DGKD: variants seen among roughly 807,000 people sequenced by gnomAD.
The protein encoded by DGKD is diacylglycerol kinase delta.
In DGKD, 68 loss-of-function variants were observed where a neutral mutation model predicts 154.4. That is an observed-to-expected ratio of 0.44 (90% CI 0.36 to 0.54). The LOEUF is 0.54. Ranked by LOEUF, DGKD falls within the 20% of genes least tolerant of loss-of-function variation. DGKD has a pLI of 0.00. For synonymous variants in DGKD, 693 were observed against 638.0 expected, an observed-to-expected ratio of 1.09 and a Z score of -1.30; for missense variants, 1,343 against 1,593.6, an observed-to-expected ratio of 0.84 and a Z score of 2.68.
Position 233,459,729 on chromosome 2 carries a change from A to G in DGKD, c.2695-28A>G, listed in dbSNP as rs1471320833. 4 of 1,608,798 alleles carry G rather than the reference A, an allele frequency of 2.5e-6. No homozygotes were observed. Among genetic ancestry groups the G allele is most frequent in the Non-Finnish European group, 3.4e-6 (4 of 1,177,146 alleles). On this transcript the variant is annotated intron_variant, in intron 22 of 29. Transcript: ENST00000264057. This position sits in a 1 kb window ranked among gnomAD's most constrained non-coding sequence, Gnocchi z 5.7. ...AAACCCCTGGGGGTTTTGGCTCAGCATGAGTAATGGCTATGATGTCTGCTC... is the reference window on the plus strand; with the variant it reads ...AAACCCCTGGGGGTTTTGGCTCAGCGTGAGTAATGGCTATGATGTCTGCTC...
chr2:233,451,960 A>G lies in DGKD; in HGVS notation c.2168-4A>G, dbSNP rs1351756473. On this transcript the variant is annotated splice_region_variant and splice_polypyrimidine_tract_variant and intron_variant, in intron 17 of 29. Coordinates refer to ENST00000264057, the MANE Select transcript of DGKD (RefSeq NM_152879.3). ...ACCACCTCTTTCTTGTATCTCCTTT[A>G]CAGATGTCCGGGCTGGAATGTCTGG... The G allele has an allele frequency of 1.2e-6, 2 of 1,613,582 alleles. No homozygotes were observed. The highest frequency in any genetic ancestry group is 2.2e-5 in the East Asian group (1 of 44,894).
chr2:233,462,487 GCTT>G (rs1363245644), intron 25 of DGKD, 28 bp downstream of exon 25: 4 of 1,581,240 alleles, frequency 2.5e-6, no homozygotes, highest in Admixed American at 1.7e-5. Context: ...TTCAGTCCTG[GCTT>G]CTTCTCAGTG....
intron 9 of DGKD, among the ~76,000 whole-genome samples, chr2:233,439,713 CACT>C (rs2062826449): frequency 6.6e-6 from 1 of 152,074 alleles, no homozygotes; most frequent in African/African-American, 2.4e-5. Context: ...AGGTGTGTAC[CACT>C]ATGCCCAGCT....
At chr2:233,388,601 G>A (rs377337678) in intron 2 of DGKD, 19 of 379,760 alleles carry the variant, frequency 5.0e-5, no homozygotes, top group African/African-American at 2.9e-4. Flanking sequence ...TCGGTAATGG[G>A]GAAAAGGAAA....
Position 233,434,498 on chromosome 2 carries a change from AT to A in DGKD, c.453+15del, listed in dbSNP as rs754613323. On this transcript the variant is annotated intron_variant, in intron 4 of 29. Transcript: ENST00000264057. The stretch of plus-strand genomic sequence containing the variant: ...GAGCACTTTGAGGTTAAAAAAGAAA[AT>A]ACCCTTCTCCAAATGCCTCCTGTTG... 6.8e-6 allele frequency: 11 copies of A among 1,611,066 alleles called. No individual in the cohort carries two copies. The African/African-American group carries it at 1.3e-4, about 20-fold the overall frequency.
chr2:233,387,774 C>T (rs930679788), intron 1 of DGKD, among the ~76,000 whole-genome samples: 2 of 152,182 alleles, frequency 1.3e-5, no homozygotes, highest in Admixed American at 6.5e-5. Context: ...GGGCGCGGGC[C>T]TGGAGCTTCT....
At chr2:233,395,016 G>T (rs1430566414) in intron 3 of DGKD, among the ~76,000 whole-genome samples, 1 of 151,966 alleles carries the variant, frequency 6.6e-6, no homozygotes, top group East Asian at 1.9e-4. Flanking sequence ...TTTAATTCTT[G>T]TAAACAGTAT....
intron 19 of DGKD, 114 bp downstream of exon 19, chr2:233,454,987 G>C (rs902411998): frequency 1.4e-5 from 9 of 650,628 alleles, no homozygotes; most frequent in African/African-American, 5.6e-5. Flanking sequence ...ATGCTAAGGC[G>C]GGGGGCAGAA....
chr2:233,396,098 T>C (rs1320803656), intron 3 of DGKD, among the ~76,000 whole-genome samples: 2 of 152,176 alleles, frequency 1.3e-5, no homozygotes, highest in African/African-American at 4.8e-5. Context: ...TCCGAGAACA[T>C]AGTATTTCCC....
intron 3 of DGKD, among the ~76,000 whole-genome samples, chr2:233,431,970 GCTC>G (rs1187693634): frequency 5.3e-5 from 8 of 152,194 alleles, no homozygotes. Flanking sequence ...AATGGTTAAA[GCTC>G]CTGCATTAGC....
chr2:233,405,348 G>A (rs2061658241), intron 3 of DGKD, among the ~76,000 whole-genome samples: 1 of 152,108 alleles, frequency 6.6e-6, no homozygotes. Context: ...GAGAAACCCT[G>A]TCTCTACTAA....
In DGKD at chr2:233,460,334, C is replaced by T. The variant is rs1559178424; in HGVS notation, c.2970C>T (p.Val990=). ...ACCAGTTTGGGCAGGCAGCAGGGGT[C>T]CTCATTCACAGGTGGGCTCCTACCC... is the stretch of plus-strand genomic sequence containing the variant. The part of the protein sequence containing the change: ...QMDQFGQAAG[V]LIHSIREIAQ... The change falls in exon 24 of 30, where the codon GTC becomes GTT. Residue 990 remains valine, a synonymous_variant. Transcript: ENST00000264057. 2 of 1,613,968 alleles carry T rather than the reference C, an allele frequency of 1.2e-6. No homozygotes were observed. Among genetic ancestry groups the T allele is most frequent in the Non-Finnish European group, 8.5e-7 (1 of 1,179,974 alleles).
chr2:233,372,238 C>T (rs1447794424), intron 1 of DGKD, among the ~76,000 whole-genome samples: 1 of 152,124 alleles, frequency 6.6e-6, no homozygotes, highest in East Asian at 1.9e-4. Context: ...CTAGGCTGTC[C>T]TCGAATTCCT....
rs755896331 is a variant in DGKD, at chr2:233,448,252, GTCTT to G, written c.1515-20_1515-17del. The stretch of plus-strand genomic sequence containing the variant: ...AGCCTGGAGCTGCCTCTCTAGAAGG[GTCTT>G]TCTGTTTTTCTCCCCACAGAGTGCT... On this transcript the variant is annotated intron_variant, in intron 13 of 29. Transcript: ENST00000264057. 1.4e-5 allele frequency: 23 copies of G among 1,614,032 alleles called. No homozygotes were observed. The East Asian group carries it at 2.0e-4, about 14-fold the overall frequency.
chr2:233,377,537 T>C (rs950869577), intron 1 of DGKD, among the ~76,000 whole-genome samples: 10 of 152,230 alleles, frequency 6.6e-5, no homozygotes, highest in Non-Finnish European at 1.5e-4. Context: ...ATTCGACCAC[T>C]AGCCTGTTGG....
chr2:233,379,366 G>A (rs1405015254), intron 1 of DGKD, among the ~76,000 whole-genome samples: 2 of 152,204 alleles, frequency 1.3e-5, no homozygotes, highest in African/African-American at 4.8e-5. Flanking sequence ...TTTGGGTCAG[G>A]TGGTTCTGGG....
chr2:233,449,869 G>A lies in DGKD; in HGVS notation c.1889-113G>A. On this transcript the variant is annotated intron_variant, in intron 15 of 29. Transcript: ENST00000264057. The surrounding 1 kb of genome is among the most constrained non-coding windows in gnomAD (Gnocchi z 5.3). ...TCGGAGTCCAAGCCTTTAGCCAGAGGTTGTTTGAGGAAGATCAGGCCGTGG... is the reference window on the plus strand; with the variant it reads ...TCGGAGTCCAAGCCTTTAGCCAGAGATTGTTTGAGGAAGATCAGGCCGTGG... 7.6e-7 allele frequency: 1 copy of A among 1,307,908 alleles called. No individual in the cohort carries two copies. Among genetic ancestry groups the A allele is most frequent in the South Asian group, 1.6e-5 (1 of 63,664 alleles). 81.0% of individuals were successfully genotyped at this position (1,307,908 alleles called of 1,614,324 possible). A position where few individuals can be genotyped will look rare whatever the true frequency, so the allele number is the denominator to read the frequency against.
intron 13 of DGKD, 45 bp downstream of exon 13, chr2:233,448,226 C>T: frequency 6.2e-7 from 1 of 1,613,954 alleles, no homozygotes; most frequent in African/African-American, 1.3e-5. Flanking sequence ...CCCTGGCCCC[C>T]AGCCTGGAGC....
At chr2:233,356,611 C>T (rs1347466252) in intron 1 of DGKD, among the ~76,000 whole-genome samples, 2 of 152,150 alleles carry the variant, frequency 1.3e-5, no homozygotes, top group East Asian at 1.9e-4. Context: ...TGCTTTCCTT[C>T]TTTTTTCTCC....
Sources: gnomAD v4.1 joint callset for allele counts (sites outside exome capture counted in the v4.1 genomes callset) on GRCh38, gnomAD v4.1.1 for gene constraint, Gnocchi (gnomAD v3.1) non-coding constraint, MANE v1.5 for transcripts, NCBI Gene and HGNC (gene_info 2026-07-23, HGNC 2026-07-21) for gene names.